Variants in KANSL1 observed in about 807,000 individuals in gnomAD.
The protein encoded by KANSL1 is MLL1/MLL complex subunit KANSL1.
A neutral mutation model predicts 103.6 loss-of-function variants in KANSL1; 22 were observed. The observed-to-expected ratio is 0.21, with a 90% CI of 0.15 to 0.30. The LOEUF (loss-of-function observed/expected upper bound fraction) is 0.30. KANSL1 is among the 10% of genes least tolerant of loss of function. KANSL1 has a pLI of 1.00. For synonymous variants in KANSL1, 600 were observed against 527.6 expected, an observed-to-expected ratio of 1.14 and a Z score of -1.88; for missense variants, 1,337 against 1,399.8, an observed-to-expected ratio of 0.96 and a Z score of 0.72.
At chr17:46,126,338 A>C (rs1345762877) in intron 2 of KANSL1, among the ~76,000 whole-genome samples, 1 of 152,150 alleles carries the variant, frequency 6.6e-6, no homozygotes, top group Non-Finnish European at 1.5e-5. Flanking sequence ...GCTACTCGGG[A>C]AGCTGAGACA....
chr17:46,106,152 T>C (rs1270010010), intron 2 of KANSL1, among the ~76,000 whole-genome samples: 1 of 152,170 alleles, frequency 6.6e-6, no homozygotes, highest in East Asian at 1.9e-4. Flanking sequence ...GAAAAGAGTA[T>C]GGTGTCTGGA....
At chr17:46,083,685 C>T (rs1199785879) in intron 3 of KANSL1, among the ~76,000 whole-genome samples, 1 of 152,170 alleles carries the variant, frequency 6.6e-6, no homozygotes, top group East Asian at 1.9e-4. Context: ...CAGGTGCCTA[C>T]CACCATGCCC....
chr17:46,138,293 C>T (rs2044253954), intron 2 of KANSL1, among the ~76,000 whole-genome samples: 1 of 152,190 alleles, frequency 6.6e-6, no homozygotes, highest in Non-Finnish European at 1.5e-5. Flanking sequence ...TGGATTCAAT[C>T]AATCAAACAG....
rs1202908546 is a variant in KANSL1 at position 46,082,441 on chromosome 17, C to T, written c.1533G>A (p.Leu511=). The T allele has an allele frequency of 6.3e-7, 1 of 1,592,120 alleles. No homozygotes were observed. Among genetic ancestry groups the T allele is most frequent in the Non-Finnish European group, 8.6e-7 (1 of 1,160,412 alleles). ...CCCCCTTTCTATCTTTTATACTTAC[C>T]AATTTATCAGTCCCATGATCTGTCT... The part of the protein sequence containing the change: ...EVKTDHGTDK[L]IESVSQPLEN... Residue 511 remains leucine (L), a splice_region_variant and synonymous_variant, in exon 4 of 15, where the codon TTG becomes TTA. Coordinates refer to ENST00000432791, the MANE Select transcript of KANSL1 (RefSeq NM_015443.4).
intron 2 of KANSL1, among the ~76,000 whole-genome samples, chr17:46,101,990 A>G (rs2042342574): frequency 6.6e-6 from 1 of 152,210 alleles, no homozygotes; most frequent in Non-Finnish European, 1.5e-5. Context: ...CAGAAAAATC[A>G]AAGTAGTCTA....
At chr17:46,195,798 C>T (rs1246755621), upstream of KANSL1, among the ~76,000 whole-genome samples, 1 of 152,068 alleles carries the variant, frequency 6.6e-6, no homozygotes, top group Non-Finnish European at 1.5e-5. Context: ...CTCCTGGACT[C>T]GAGTGCTGGC....
chr17:46,186,547 C>T (rs1472714628), intron 1 of KANSL1, among the ~76,000 whole-genome samples: 1 of 152,138 alleles, frequency 6.6e-6, no homozygotes, highest in Non-Finnish European at 1.5e-5. Flanking sequence ...TAAGTCAATA[C>T]TAATATCCAT....
intron 2 of KANSL1, among the ~76,000 whole-genome samples, chr17:46,160,444 C>T (rs1398748705): frequency 6.6e-6 from 1 of 152,132 alleles, no homozygotes; most frequent in Non-Finnish European, 1.5e-5. Context: ...GGACTATAGG[C>T]GCATGCCACC....
In KANSL1 at chr17:46,050,581, G is replaced by C; in HGVS notation, c.1972C>G (p.Leu658Val). The change falls in exon 7 of 15, where the codon CTT becomes GTT. Residue 658 changes from leucine to valine, a missense_variant. Physicochemically the swap from Leu to Val is conservative, Grantham distance 32 (BLOSUM62 1). Transcript: ENST00000432791. ...IHYEAPLLER[L>V]SQLDSCVHPV... ...TGAACACAAGAGTCCAACTGGGAAA[G>C]ACGTTCCAACAGAGGGGCTTCATAG... 2 of 1,614,196 alleles carry C rather than the reference G, an allele frequency of 1.2e-6. No individual in the cohort carries two copies. The highest frequency in any genetic ancestry group is 1.7e-6 in the Non-Finnish European group (2 of 1,180,022).
intron 2 of KANSL1, among the ~76,000 whole-genome samples, chr17:46,099,348 A>C (rs539331500): frequency 1.6e-4 from 18 of 112,748 alleles, no homozygotes; most frequent in African/African-American, 2.1e-4. Flanking sequence ...CAAAACAAAA[A>C]AAAAACAAAT....
intron 1 of KANSL1, among the ~76,000 whole-genome samples, chr17:46,212,377 C>G (rs1444922501): frequency 2.6e-5 from 4 of 152,124 alleles, no homozygotes; most frequent in Admixed American, 2.6e-4. Context: ...CGTGCCACCA[C>G]GCCCAGCTAA....
At chr17:46,168,415 T>C (rs2046114728) in intron 2 of KANSL1, among the ~76,000 whole-genome samples, 1 of 152,144 alleles carries the variant, frequency 6.6e-6, no homozygotes, top group African/African-American at 2.4e-5. Context: ...TGGTGCGATC[T>C]CAGCTCACCG....
chr17:46,173,771 A>G (rs2147768886), intron 1 of KANSL1, among the ~76,000 whole-genome samples: 1 of 152,324 alleles, frequency 6.6e-6, no homozygotes, highest in East Asian at 1.9e-4. Flanking sequence ...AGGGAGTTCC[A>G]CTTAAGATGT....
chr17:46,129,833 AGG>A (rs973091268), intron 2 of KANSL1, among the ~76,000 whole-genome samples: 2 of 152,122 alleles, frequency 1.3e-5, no homozygotes, highest in African/African-American at 4.8e-5. Context: ...AGAAATTTAT[AGG>A]ACTCTCCAAA....
At chr17:46,060,642 G>GT (rs2078125288) in intron 6 of KANSL1, among the ~76,000 whole-genome samples, 1 of 152,170 alleles carries the variant, frequency 6.6e-6, no homozygotes, top group Admixed American at 6.6e-5. Flanking sequence ...AAGGAAGAAC[G>GT]TATCAAATTA....
At chr17:46,033,660 A>C (rs1028795584) in intron 11 of KANSL1, 200 bp from the exon 12 acceptor site, 31 of 622,022 alleles carry the variant, frequency 5.0e-5, no homozygotes, top group East Asian at 3.5e-4. Context: ...ATGCCCAAGA[A>C]GGCCAGAAAT....
In KANSL1 at chr17:46,105,187, A is replaced by C. The variant is rs2042479499; in HGVS notation, c.1290-10486T>G. The stretch of plus-strand genomic sequence containing the variant: ...AAATGACAAATAGTGAAAGGCTCTC[A>C]GTTATTCAAAGTACTGCCATTCCAG... On this transcript the variant is annotated intron_variant, in intron 2 of 14. Coordinates refer to ENST00000432791, the MANE Select transcript of KANSL1 (RefSeq NM_015443.4). 2.6e-5 allele frequency among the ~76,000 whole-genome samples: 4 copies of C among 152,356 alleles called. No homozygotes were observed. In the South Asian group the frequency reaches 8.3e-4, roughly 32 times the overall value.
intron 2 of KANSL1, among the ~76,000 whole-genome samples, chr17:46,152,276 C>T (rs900641686): frequency 5.9e-5 from 9 of 152,236 alleles, no homozygotes; most frequent in Admixed American, 2.0e-4. Context: ...ACTAACCTGA[C>T]ATTGAGATTC....
intron 2 of KANSL1, among the ~76,000 whole-genome samples, chr17:46,118,235 A>T (rs1021617034): frequency 6.7e-6 from 1 of 149,024 alleles, no homozygotes; most frequent in Admixed American, 6.8e-5. Context: ...TTCGGCCTTC[A>T]CAAGTGTGTC....
Sources: allele counts gnomAD v4.1 joint callset (sites outside exome capture counted in the v4.1 genomes callset), GRCh38; gene constraint gnomAD v4.1.1; transcripts MANE v1.5; gene names NCBI Gene and HGNC (gene_info 2026-07-23, HGNC 2026-07-21).